PCDH9: variants seen among roughly 807,000 people sequenced by gnomAD.
The protein encoded by PCDH9 is protocadherin-9.
Under a neutral mutation model 70.6 loss-of-function variants are expected in PCDH9, and 24 were observed. The ratio of observed to expected loss-of-function variants is 0.34; its 90% CI spans 0.25 to 0.48. PCDH9 has a LOEUF of 0.48. PCDH9 is among the 20% of genes least tolerant of loss of function. The pLI, the probability that PCDH9 is intolerant of heterozygous loss-of-function variation, is 0.99. For missense variants in PCDH9, 1,281 were observed against 1,503.6 expected (o/e 0.85, Z 2.45); for synonymous variants, 562 against 558.5 (o/e 1.01, Z -0.09).
chr13:66,522,654 G>T (rs1398657306), intron 4 of PCDH9, among the ~76,000 whole-genome samples: 1 of 151,962 alleles, frequency 6.6e-6, no homozygotes, highest in African/African-American at 2.4e-5. Flanking sequence ...GTGTCCTAGG[G>T]AAAGGACACA....
intron 4 of PCDH9, among the ~76,000 whole-genome samples, chr13:66,317,429 G>A (rs1162056899): frequency 6.6e-6 from 1 of 152,174 alleles, no homozygotes; most frequent in Non-Finnish European, 1.5e-5. Context: ...CAAAATAGCT[G>A]CATTCAGATC....
intron 2 of PCDH9, among the ~76,000 whole-genome samples, chr13:67,177,685 G>T (rs1361737764): frequency 1.3e-5 from 2 of 151,946 alleles, no homozygotes; most frequent in African/African-American, 2.4e-5. Flanking sequence ...ATAACCTCTT[G>T]CAGGCAAGCG....
chr13:67,168,853 T>A (rs1479702365), intron 2 of PCDH9, among the ~76,000 whole-genome samples: 1 of 152,190 alleles, frequency 6.6e-6, no homozygotes, highest in African/African-American at 2.4e-5. Context: ...ACATTTTAAA[T>A]CCCTAATTTG....
chr13:67,012,876 G>A (rs919999338), intron 2 of PCDH9, among the ~76,000 whole-genome samples: 1 of 151,940 alleles, frequency 6.6e-6, no homozygotes, highest in Non-Finnish European at 1.5e-5. Context: ...GCGGACCTAA[G>A]TGTAAATTGG....
rs747310687 is a variant in PCDH9 at position 67,226,263 on chromosome 13, G to A, written c.2178C>T (p.Phe726=). 6 of 1,614,110 alleles carry A rather than the reference G, an allele frequency of 3.7e-6. No individual in the cohort carries two copies. In the Admixed American group the frequency reaches 1.0e-4, roughly 27 times the overall value. Residue 726 remains phenylalanine (F), a synonymous_variant, in exon 2 of 5, where the codon TTC becomes TTT. Transcript: ENST00000377865. This position sits in a 1 kb window ranked among gnomAD's most constrained non-coding sequence, Gnocchi z 5.0. ...TGTTACCTGTTACTGGATCAATCCG[G>A]AATAAGCCTTTATTGTTTCCACTCA... ...TIVSGNNKGL[F]RIDPVTGNIT...
At chr13:67,022,396 C>T (rs966357773) in intron 2 of PCDH9, among the ~76,000 whole-genome samples, 6 of 152,160 alleles carry the variant, frequency 3.9e-5, no homozygotes, top group African/African-American at 1.4e-4. Flanking sequence ...GCTGGGATTA[C>T]AGGCATGAGC....
chr13:66,980,086 ATC>A (rs979251017), intron 2 of PCDH9, among the ~76,000 whole-genome samples: 1 of 130,054 alleles, frequency 7.7e-6, no homozygotes, highest in African/African-American at 3.4e-5. Context: ...ATCTCTATCT[ATC>A]TATCTATCTA....
intron 2 of PCDH9, among the ~76,000 whole-genome samples, chr13:67,070,290 G>A (rs954413100): frequency 1.3e-5 from 2 of 151,916 alleles, no homozygotes; most frequent in Non-Finnish European, 2.9e-5. Context: ...TTGTTGTGGA[G>A]CATAACTACT....
chr13:66,577,443 T>C (rs539571946), intron 4 of PCDH9, among the ~76,000 whole-genome samples: 4 of 151,986 alleles, frequency 2.6e-5, no homozygotes, highest in Non-Finnish European at 5.9e-5. Flanking sequence ...AAAAATAATA[T>C]CTATATTATC....
intron 2 of PCDH9, among the ~76,000 whole-genome samples, chr13:67,127,959 T>G (rs1294525346): frequency 6.6e-6 from 1 of 152,166 alleles, no homozygotes; most frequent in African/African-American, 2.4e-5. Context: ...GAGATCTCTT[T>G]GGCACTACTT....
intron 2 of PCDH9, among the ~76,000 whole-genome samples, chr13:66,958,406 A>G (rs1445634419): frequency 5.9e-5 from 9 of 152,212 alleles, no homozygotes; most frequent in African/African-American, 2.2e-4. Context: ...TTGATATAGA[A>G]TAATTCATTG....
rs188272250 is a variant in PCDH9 at position 66,786,820 on chromosome 13, A to G, written c.3138+116684T>C. Among the ~76,000 whole-genome samples, 617 of 152,312 alleles carry G rather than the reference A, an allele frequency of 4.1e-3. 4 individuals are homozygous for G. The highest frequency in any genetic ancestry group is 0.014 in the African/African-American group (586 of 41,588). ...AGTCGTTAGTATTTGGGAAAATTTA[A>G]CCTTGATTAAACTTCAAGGAAAAGA... On this transcript the variant is annotated intron_variant, in intron 3 of 4. Transcript: ENST00000377865.
At chr13:66,406,768 C>A (rs183175249) in intron 4 of PCDH9, among the ~76,000 whole-genome samples, 45 of 152,266 alleles carry the variant, frequency 3.0e-4, no homozygotes, top group Non-Finnish European at 5.4e-4. Flanking sequence ...AAACAAATAA[C>A]TAAAACAACC....
intron 2 of PCDH9, among the ~76,000 whole-genome samples, chr13:67,165,226 C>A (rs1311222447): frequency 6.6e-6 from 1 of 152,008 alleles, no homozygotes; most frequent in Non-Finnish European, 1.5e-5. Flanking sequence ...AAAGTTTGAG[C>A]TAAATCCTAA....
chr13:66,779,647 C>T (rs910119132), intron 3 of PCDH9, among the ~76,000 whole-genome samples: 1 of 151,760 alleles, frequency 6.6e-6, no homozygotes, highest in Admixed American at 6.6e-5. Flanking sequence ...ATGGTGAAAC[C>T]CTGTCTCTAC....
chr13:66,763,266 C>T lies in PCDH9; in HGVS notation c.3139-131855G>A, dbSNP rs1243732689. On this transcript the variant is annotated intron_variant, in intron 3 of 4. Transcript: ENST00000377865. ...AATACATATCAAAGTGGAAAATAAA[C>T]GTACAACTTTGACAACGCAACATTC... is the stretch of plus-strand genomic sequence containing the variant. 4.6e-5 allele frequency among the ~76,000 whole-genome samples: 7 copies of T among 151,920 alleles called. No homozygotes were observed. In the South Asian group the frequency reaches 6.2e-4, roughly 13 times the overall value.
At chr13:66,575,026 A>G (rs1030631722) in intron 4 of PCDH9, among the ~76,000 whole-genome samples, 1 of 151,910 alleles carries the variant, frequency 6.6e-6, no homozygotes, top group Non-Finnish European at 1.5e-5. Flanking sequence ...TACAAAAATT[A>G]CCTGGGCATG....
intron 4 of PCDH9, among the ~76,000 whole-genome samples, chr13:66,532,712 G>T (rs981496274): frequency 6.6e-6 from 1 of 151,996 alleles, no homozygotes; most frequent in African/African-American, 2.4e-5. Flanking sequence ...TATATTTTCG[G>T]TAGAGACGGG....
At chr13:67,107,742 G>A (rs1231169800) in intron 2 of PCDH9, among the ~76,000 whole-genome samples, 3 of 152,174 alleles carry the variant, frequency 2.0e-5, no homozygotes, top group Non-Finnish European at 2.9e-5. Context: ...CAAATGGCAG[G>A]ACTGAAACAG....
Sources: allele counts gnomAD v4.1 joint callset (sites outside exome capture counted in the v4.1 genomes callset), GRCh38; gene constraint gnomAD v4.1.1; non-coding constraint Gnocchi (gnomAD v3.1); transcripts MANE v1.5; gene names NCBI Gene and HGNC (gene_info 2026-07-23, HGNC 2026-07-21).